TAMM41: variants seen among roughly 807,000 people sequenced by gnomAD.
The protein encoded by TAMM41 is phosphatidate cytidylyltransferase, mitochondrial.
Under a neutral mutation model 44.1 loss-of-function variants are expected in TAMM41, and 36 were observed. The observed-to-expected ratio is 0.82, with a 90% CI of 0.63 to 1.08. TAMM41 has a LOEUF of 1.08. Ranked by LOEUF, TAMM41 falls within the 50% of genes least tolerant of loss-of-function variation. The pLI is 0.00. For synonymous variants in TAMM41, 164 were observed against 153.1 expected (o/e 1.07, Z -0.53); for missense variants, 417 against 404.3 (o/e 1.03, Z -0.27).
chr3:11,837,770 G>A (rs1482050147), intron 3 of TAMM41, among the ~76,000 whole-genome samples: 2 of 152,166 alleles, frequency 1.3e-5, no homozygotes, highest in Admixed American at 1.3e-4. Context: ...CAAGGTGACT[G>A]GGTGGTGCTA....
Position 11,846,637 on chromosome 3 carries a change from G to A in TAMM41, c.-1C>T, listed in dbSNP as rs1013083129. 90 of 1,614,082 alleles carry A rather than the reference G, an allele frequency of 5.6e-5. No homozygotes were observed. Among genetic ancestry groups the A allele is most frequent in the Non-Finnish European group, 7.5e-5 (88 of 1,180,044 alleles). On this transcript the variant is annotated 5_prime_UTR_variant, in exon 1 of 8. Coordinates refer to ENST00000455809, the MANE Select transcript of TAMM41 (RefSeq NM_001284401.2). The stretch of plus-strand genomic sequence containing the variant: ...AGCTCTGCAGCGTCTGCAGCGCCAT[G>A]GGGTCGAGGCTAACAGGGGACACTC...
chr3:11,822,688 G>A (rs180863837), intron 4 of TAMM41, among the ~76,000 whole-genome samples: 1 of 152,088 alleles, frequency 6.6e-6, no homozygotes, highest in South Asian at 2.1e-4. Flanking sequence ...TGTTTTCAAG[G>A]GTCATCACAC....
chr3:11,838,766 G>A (rs1172347872), intron 3 of TAMM41, among the ~76,000 whole-genome samples: 3 of 151,914 alleles, frequency 2.0e-5, no homozygotes, highest in African/African-American at 7.3e-5. Context: ...TTGGTGATTG[G>A]CCCAATCTCC....
At chr3:11,811,958 C>T (rs993491127) in intron 5 of TAMM41, among the ~76,000 whole-genome samples, 2 of 152,124 alleles carry the variant, frequency 1.3e-5, no homozygotes, top group African/African-American at 2.4e-5. Flanking sequence ...GACAGAGTCT[C>T]GCTCTGTTGC....
the TAMM41 span, among the ~76,000 whole-genome samples, chr3:11,736,964 G>A: frequency 2.0e-5 from 3 of 152,134 alleles, no homozygotes; most frequent in Non-Finnish European, 4.4e-5. Flanking sequence ...GCTTGGTGGT[G>A]GCAACATCAA....
At chr3:11,845,409 A>G (rs2079637961) in intron 1 of TAMM41, among the ~76,000 whole-genome samples, 1 of 152,192 alleles carries the variant, frequency 6.6e-6, no homozygotes, top group Non-Finnish European at 1.5e-5. Context: ...AGGTCTATTC[A>G]AAGGAAAACC....
intron 5 of TAMM41, among the ~76,000 whole-genome samples, chr3:11,812,148 G>C (rs1275908334): frequency 1.3e-5 from 2 of 151,996 alleles, no homozygotes; most frequent in East Asian, 3.9e-4. Flanking sequence ...GGCTAGTTTT[G>C]AACTCCTGGC....
intron 1 of TAMM41, among the ~76,000 whole-genome samples, chr3:11,845,644 T>C (rs964037294): frequency 1.3e-5 from 2 of 152,118 alleles, no homozygotes; most frequent in African/African-American, 2.4e-5. Context: ...AAATATTAAA[T>C]AGTAGTGTAA....
chr3:11,823,171 T>C (rs1051285520), intron 4 of TAMM41, among the ~76,000 whole-genome samples: 1 of 152,218 alleles, frequency 6.6e-6, no homozygotes, highest in Non-Finnish European at 1.5e-5. Context: ...GCCATTTGAA[T>C]ACCTTTTCTG....
At chr3:11,772,227 C>T in the TAMM41 span, among the ~76,000 whole-genome samples, 2 of 148,386 alleles carry the variant, frequency 1.3e-5, no homozygotes, top group African/African-American at 5.0e-5. Flanking sequence ...CCTGCCACCA[C>T]AGCTGGCTAA....
In TAMM41 at chr3:11,806,252, T is replaced by C. The variant is rs2077906329; in HGVS notation, c.937+1581A>G. 1.3e-5 allele frequency among the ~76,000 whole-genome samples: 2 copies of C among 152,220 alleles called. 1 individual carries two copies. The highest frequency in any genetic ancestry group is 4.1e-4 in the South Asian group (2 of 4,832). Reference sequence around the variant, plus strand: ...CAGCTGGCACATGAGAGATGCTCAATGGATGCTTGCATGAAGAAAGCCTGA... The same window carrying C: ...CAGCTGGCACATGAGAGATGCTCAACGGATGCTTGCATGAAGAAAGCCTGA... On this transcript the variant is annotated intron_variant, in intron 7 of 7. Coordinates refer to ENST00000455809, the MANE Select transcript of TAMM41 (RefSeq NM_001284401.2).
the TAMM41 span, among the ~76,000 whole-genome samples, chr3:11,765,584 A>G: frequency 6.6e-6 from 1 of 152,164 alleles, no homozygotes; most frequent in Non-Finnish European, 1.5e-5. Context: ...CATATAACAC[A>G]CACATACAGA....
chr3:11,824,454 C>T lies in TAMM41; in HGVS notation c.562+5260G>A, dbSNP rs538904457. ...CAGCTCACTGCAACCTTCGCCCGCC[C>T]GGCTAATTTCTGTATTTTTAGTAGA... On this transcript the variant is annotated intron_variant, in intron 4 of 7. Coordinates refer to ENST00000455809, the MANE Select transcript of TAMM41 (RefSeq NM_001284401.2). Among the ~76,000 whole-genome samples, 142 of 151,226 alleles carry T rather than the reference C, an allele frequency of 9.4e-4. 1 individual carries two copies. The highest frequency in any genetic ancestry group is 3.2e-3 in the African/African-American group (132 of 41,172).
At chr3:11,800,552 A>T (rs2077723247) in intron 7 of TAMM41, among the ~76,000 whole-genome samples, 1 of 144,096 alleles carries the variant, frequency 6.9e-6, no homozygotes, top group African/African-American at 2.9e-5. Context: ...ACAGTTAAAA[A>T]AAAAAAAAAA....
the TAMM41 span, among the ~76,000 whole-genome samples, chr3:11,728,916 G>C: frequency 6.6e-6 from 1 of 151,132 alleles, no homozygotes; most frequent in African/African-American, 2.4e-5. Flanking sequence ...GCTGAGGCAG[G>C]AGAATCGCTT....
In TAMM41 at chr3:11,846,835, G is replaced by A; in HGVS notation, c.-199C>T. 1.5e-6 allele frequency: 1 copy of A among 662,770 alleles called. No individual in the cohort carries two copies. 41.1% of individuals were successfully genotyped at this position (662,770 alleles called of 1,614,324 possible). ...CCACGAAGAGCAGCGGCGAGAAGACGCAGCCCAGATAGGCTCGGGTGGGCG... is the reference window on the plus strand; with the variant it reads ...CCACGAAGAGCAGCGGCGAGAAGACACAGCCCAGATAGGCTCGGGTGGGCG... On this transcript the variant is annotated 5_prime_UTR_variant, in exon 1 of 8. Coordinates refer to ENST00000455809, the MANE Select transcript of TAMM41 (RefSeq NM_001284401.2).
At chr3:11,734,807 G>A in the TAMM41 span, among the ~76,000 whole-genome samples, 2 of 150,742 alleles carry the variant, frequency 1.3e-5, no homozygotes, top group African/African-American at 2.5e-5. Context: ...AGGCCGAGGC[G>A]GGTGGATCAC....
At chr3:11,778,663 ACT>A in the TAMM41 span, among the ~76,000 whole-genome samples, 3 of 151,612 alleles carry the variant, frequency 2.0e-5, no homozygotes, top group Non-Finnish European at 4.4e-5. Context: ...TCGGAAAATG[ACT>A]ATGTGTCTTT....
chr3:11,750,820 G>A, the TAMM41 span, among the ~76,000 whole-genome samples: 1 of 152,162 alleles, frequency 6.6e-6, no homozygotes, highest in East Asian at 1.9e-4. Context: ...TCATTCATAA[G>A]GAGACTTTAT....
Sources: gnomAD v4.1 joint callset for allele counts (sites outside exome capture counted in the v4.1 genomes callset) on GRCh38, gnomAD v4.1.1 for gene constraint, MANE v1.5 for transcripts, NCBI Gene and HGNC (gene_info 2026-07-23, HGNC 2026-07-21) for gene names.